The following FAM76B variants were observed in gnomAD, a reference collection of about 807,000 sequenced individuals.
FAM76B encodes the protein family with sequence similarity 76 member B.
In FAM76B, 16 loss-of-function variants were observed where a neutral mutation model predicts 51.8. The observed-to-expected ratio is 0.31, with a 90% CI of 0.21 to 0.47. The LOEUF (loss-of-function observed/expected upper bound fraction) is 0.47. Ranked by LOEUF, FAM76B falls within the 20% of genes least tolerant of loss-of-function variation. The probability of loss-of-function intolerance (pLI) is 1.00; values close to 1 mark genes in which losing one functional copy is unlikely to be tolerated. For synonymous variants in FAM76B, 166 were observed against 129.5 expected (o/e 1.28, Z -1.91); for missense variants, 342 against 392.6 (o/e 0.87, Z 1.09).
chr11:95,788,784 TAC>T, intron 1 of FAM76B: 1 of 1,474,448 alleles, frequency 6.8e-7, no homozygotes, highest in Non-Finnish European at 9.1e-7. Context: ...GGGGGTATAT[TAC>T]AGACAAATTA....
chr11:95,778,126 T>C (rs1312224083), intron 8 of FAM76B, among the ~76,000 whole-genome samples: 3 of 151,558 alleles, frequency 2.0e-5, no homozygotes, highest in Non-Finnish European at 4.4e-5. Context: ...AACTAGGATT[T>C]GAATCTAAGT....
In FAM76B at chr11:95,769,165, C is replaced by T. The variant is rs909276904; in HGVS notation, c.*2396G>A. 3.3e-5 allele frequency: 5 copies of T among 152,350 alleles called. No homozygotes were observed. The highest frequency in any genetic ancestry group is 3.4e-3 in the Middle Eastern group (1 of 294). 9.4% of individuals were successfully genotyped at this position (152,350 alleles called of 1,614,324 possible). On this transcript the variant is annotated 3_prime_UTR_variant, in exon 10 of 10. Transcript: ENST00000358780. ...ACATAAATAACTTGAGTCAAAATGA[C>T]CCTTACTGGTAAATGCTAATTAATA... is the stretch of plus-strand genomic sequence containing the variant.
Position 95,783,325 on chromosome 11 carries a change from G to GT in FAM76B, c.364-62dup, listed in dbSNP as rs1321082292. 12 of 1,490,092 alleles carry GT rather than the reference G, an allele frequency of 8.1e-6. No homozygotes were observed. The African/African-American group carries it at 1.1e-4, about 14-fold the overall frequency. The allele number at this position is 1,490,092 out of a possible 1,614,324, so 92.3% of individuals were successfully genotyped here. ...ATAAACTGGCTGTAAACGAAACCAGGTAAGATAAACCACTCAACTTCCACC... is the reference window on the plus strand; with the variant it reads ...ATAAACTGGCTGTAAACGAAACCAGGTTAAGATAAACCACTCAACTTCCACC... On this transcript the variant is annotated intron_variant, in intron 4 of 9. Transcript: ENST00000358780.
intron 9 of FAM76B, among the ~76,000 whole-genome samples, chr11:95,774,640 G>A (rs1312639947): frequency 6.6e-6 from 1 of 151,340 alleles, no homozygotes; most frequent in Non-Finnish European, 1.5e-5. Context: ...TAATAACTGA[G>A]TAAGAAAAAC....
At chr11:95,780,902 A>G (rs2120243143) in intron 5 of FAM76B, among the ~76,000 whole-genome samples, 1 of 152,178 alleles carries the variant, frequency 6.6e-6, no homozygotes, top group East Asian at 1.9e-4. Context: ...ACTTGTGTCT[A>G]AAATTTACTA....
rs996463536 is a variant in FAM76B at position 95,770,371 on chromosome 11, A to G, written c.*1190T>C. The G allele has an allele frequency of 1.3e-4, 20 of 151,982 alleles. No homozygotes were observed. The highest frequency in any genetic ancestry group is 4.6e-4 in the African/African-American group (19 of 41,510). 9.4% of individuals were successfully genotyped at this position (151,982 alleles called of 1,614,324 possible). A position where few individuals can be genotyped will look rare whatever the true frequency, so the allele number is the denominator to read the frequency against. On this transcript the variant is annotated 3_prime_UTR_variant, in exon 10 of 10. Coordinates refer to ENST00000358780, the MANE Select transcript of FAM76B (RefSeq NM_144664.5). ...GATTATCACAGATTGGATTAAAAAGATCATTTAATTTTTTTCAGATTTGCT... is the reference window on the plus strand; with the variant it reads ...GATTATCACAGATTGGATTAAAAAGGTCATTTAATTTTTTTCAGATTTGCT...
intron 8 of FAM76B, among the ~76,000 whole-genome samples, chr11:95,777,020 T>TAGA (rs1860042217): frequency 6.6e-6 from 1 of 151,316 alleles, no homozygotes; most frequent in South Asian, 2.1e-4. Context: ...TTTTCTGTTC[T>TAGA]GAAATGCCAA....
At chr11:95,777,627 C>T (rs1321063596) in intron 8 of FAM76B, among the ~76,000 whole-genome samples, 6 of 151,182 alleles carry the variant, frequency 4.0e-5, no homozygotes. Flanking sequence ...ACAAAGACAC[C>T]CGTAACTATC....
chr11:95,782,764 G>A (rs916391043), intron 5 of FAM76B, among the ~76,000 whole-genome samples: 3 of 152,022 alleles, frequency 2.0e-5, no homozygotes, highest in African/African-American at 7.2e-5. Flanking sequence ...AAAGAATACT[G>A]AGGCTTTTGA....
At chr11:95,786,078 A>T (rs1423906184) in intron 4 of FAM76B, 41 bp downstream of exon 4, 1 of 1,578,144 alleles carries the variant, frequency 6.3e-7, no homozygotes, top group Admixed American at 1.8e-5. Flanking sequence ...TTGGCATTTT[A>T]TTTAATTTCC....
rs1260971443 is a variant in FAM76B at position 95,778,905 on chromosome 11, T to C, written c.745A>G (p.Ile249Val). ...ATCACTTCTTCTTTCAATTGACTTA[T>C]AAGGACAAAATTGTCTGTTCCCCCA... ...DSGGTDNFVL[I>V]SQLKEEVMSL... Residue 249 changes from isoleucine (I) to valine (V), a missense_variant, in exon 8 of 10, where the codon ATA becomes GTA. Around this residue, in one of 3 missense-constraint regions of FAM76B, gnomAD observed 230 missense variants for 257.4 expected, o/e 0.89. Transcript: ENST00000358780. The C allele has an allele frequency of 1.1e-5, 18 of 1,610,898 alleles. No homozygotes were observed. Among genetic ancestry groups the C allele is most frequent in the Non-Finnish European group, 1.4e-5 (17 of 1,178,082 alleles).
intron 5 of FAM76B, 96 bp downstream of exon 5, chr11:95,782,969 A>G (rs200500669): frequency 1.4e-6 from 2 of 1,469,436 alleles, no homozygotes; most frequent in Non-Finnish European, 1.9e-6. Context: ...TGGAAACTAG[A>G]CTAGCACATA....
At position 95,784,951 on chromosome 11, in the gene FAM76B, T is replaced by C. The variant is rs1031867324; in HGVS notation, c.363+1168A>G. On this transcript the variant is annotated intron_variant, in intron 4 of 9. Transcript: ENST00000358780. ...AACACAAACAAAATAAGGTTATATA[T>C]TGATCAACTGACCAACATGTTATTA... Among the ~76,000 whole-genome samples, 25 of 152,170 alleles carry C rather than the reference T, an allele frequency of 1.6e-4. 1 individual carries two copies. Among genetic ancestry groups the C allele is most frequent in the African/African-American group, 3.1e-4 (13 of 41,422 alleles).
At chr11:95,778,745 A>G (rs986465621) in intron 8 of FAM76B, 77 bp downstream of exon 8, 39 of 1,451,830 alleles carry the variant, frequency 2.7e-5, no homozygotes, top group African/African-American at 4.4e-5. Context: ...TATTAAAGGA[A>G]GTCTAATAAA....
intron 4 of FAM76B, among the ~76,000 whole-genome samples, chr11:95,784,180 C>CA (rs1860426963): frequency 6.6e-6 from 1 of 151,980 alleles, no homozygotes; most frequent in Non-Finnish European, 1.5e-5. Flanking sequence ...AGCAAACTGA[C>CA]AAAAGAACAG....
chr11:95,781,020 T>C (rs1860238793), intron 5 of FAM76B, among the ~76,000 whole-genome samples: 1 of 150,222 alleles, frequency 6.7e-6, no homozygotes, highest in South Asian at 2.1e-4. Flanking sequence ...AATAATTCCA[T>C]CAAGTGAGTT....
intron 4 of FAM76B, among the ~76,000 whole-genome samples, chr11:95,784,185 G>A (rs1860427186): frequency 6.6e-6 from 1 of 152,120 alleles, no homozygotes; most frequent in African/African-American, 2.4e-5. Flanking sequence ...ACTGACAAAA[G>A]AACAGAAAAC....
intron 4 of FAM76B, among the ~76,000 whole-genome samples, chr11:95,784,734 C>T (rs1860466496): frequency 1.3e-5 from 2 of 151,844 alleles, no homozygotes; most frequent in East Asian, 3.9e-4. Context: ...ACTATAGGTG[C>T]CTGCCACCAT....
At chr11:95,773,953 T>G (rs1295356213) in intron 9 of FAM76B, among the ~76,000 whole-genome samples, 1 of 151,226 alleles carries the variant, frequency 6.6e-6, no homozygotes, top group Non-Finnish European at 1.5e-5. Context: ...ATTCAATTCC[T>G]TATTACATAA....
Sources: allele counts gnomAD v4.1 joint callset (sites outside exome capture counted in the v4.1 genomes callset), GRCh38; gene constraint gnomAD v4.1.1; regional missense constraint gnomAD v4.1.1; transcripts MANE v1.5; gene names NCBI Gene and HGNC (gene_info 2026-07-23, HGNC 2026-07-21).